Variants in ROCK2 observed in about 807,000 individuals in gnomAD.
ROCK2 encodes Rho associated coiled-coil containing protein kinase 2, also known as rho-associated protein kinase 2.
In ROCK2, 61 loss-of-function variants were observed where a neutral mutation model predicts 195.1. The observed-to-expected ratio is 0.31, with a 90% CI of 0.25 to 0.39. ROCK2 has a LOEUF of 0.39. Among genes scored for constraint, ROCK2 ranks in the 10% least tolerant of loss-of-function variants. ROCK2 has a pLI of 1.00. For synonymous variants in ROCK2, 504 were observed against 545.5 expected (o/e 0.92, Z 1.06); for missense variants, 1,109 against 1,637.4 (o/e 0.68, Z 5.57).
intron 28 of ROCK2, among the ~76,000 whole-genome samples, chr2:11,194,584 A>G (rs548310706): frequency 1.3e-5 from 2 of 152,114 alleles, no homozygotes; most frequent in South Asian, 4.1e-4. Context: ...TTTTGGACTT[A>G]GCTTTGGGAT....
chr2:11,270,465 T>C (rs952736521), intron 3 of ROCK2, among the ~76,000 whole-genome samples: 6 of 152,200 alleles, frequency 3.9e-5, no homozygotes, highest in Admixed American at 1.3e-4. Context: ...TTTTTCTTCT[T>C]CTTGTATTCC....
chr2:11,308,312 C>G, intron 1 of ROCK2: 1 of 1,128,594 alleles, frequency 8.9e-7, no homozygotes, highest in Non-Finnish European at 1.4e-6. Context: ...AGAACCAATC[C>G]TAAAGAATAT....
chr2:11,317,594 ATATATATATATATATATATT>A (rs1322648867), intron 1 of ROCK2, among the ~76,000 whole-genome samples: 1 of 14,646 alleles, frequency 6.8e-5, no homozygotes, highest in African/African-American at 2.1e-4. Flanking sequence ...ATATATATAT[ATATATATATATATATATATT>A]TTTTTTTTTT....
At chr2:11,307,539 CTT>C (rs1037620917) in intron 1 of ROCK2, among the ~76,000 whole-genome samples, 6 of 152,118 alleles carry the variant, frequency 3.9e-5, no homozygotes, top group Non-Finnish European at 8.8e-5. Flanking sequence ...GTCTCGATCT[CTT>C]GACCTCGTGA....
At chr2:11,285,978 G>A (rs908687465) in intron 3 of ROCK2, among the ~76,000 whole-genome samples, 7 of 151,806 alleles carry the variant, frequency 4.6e-5, no homozygotes, top group Non-Finnish European at 8.8e-5. Flanking sequence ...ACGCTGTAGT[G>A]TGAAGAAGAG....
intron 3 of ROCK2, among the ~76,000 whole-genome samples, chr2:11,263,626 G>GTA (rs1027380119): frequency 7.6e-6 from 1 of 130,952 alleles, no homozygotes; most frequent in African/African-American, 2.8e-5. Context: ...AGAAATCAAA[G>GTA]TATATATATA....
chr2:11,312,219 A>T (rs1668058043), intron 1 of ROCK2, among the ~76,000 whole-genome samples: 1 of 152,186 alleles, frequency 6.6e-6, no homozygotes, highest in Admixed American at 6.5e-5. Context: ...CTCAGTTTTT[A>T]GCATATACTT....
intron 1 of ROCK2, among the ~76,000 whole-genome samples, chr2:11,293,371 G>A (rs4669706): frequency 0.78 from 118,206 of 152,132 alleles, 48,075 homozygotes; most frequent in East Asian, 0.94. Context: ...TAGGGCCCTC[G>A]TTTGTAAAAA....
chr2:11,248,262 G>C (rs139236637), intron 4 of ROCK2, among the ~76,000 whole-genome samples: 2 of 151,860 alleles, frequency 1.3e-5, no homozygotes, highest in African/African-American at 4.8e-5. Context: ...CACAAGCAAG[G>C]TATCAAACTC....
rs11437412 is a variant in ROCK2 at position 11,219,861 on chromosome 2, C to CTT, written c.1260-837_1260-836dup. Among the ~76,000 whole-genome samples the CTT allele has an allele frequency of 3.0e-3, 407 of 134,710 alleles. 7 individuals are homozygous for CTT. The highest frequency in any genetic ancestry group is 9.7e-3 in the East Asian group (45 of 4,644). The allele number at this position is 134,710 out of a possible 152,430, so 88.4% of individuals were successfully genotyped here. On this transcript the variant is annotated intron_variant, in intron 9 of 32. Coordinates refer to ENST00000315872, the MANE Select transcript of ROCK2 (RefSeq NM_004850.5). ...GTTGATTATTCTTCCCCAAAACTCA[C>CTT]TTTTTTTTTTTTTTTTTTTAAGACA... is the stretch of plus-strand genomic sequence containing the variant.
At chr2:11,239,115 T>TA (rs903711680) in intron 4 of ROCK2, among the ~76,000 whole-genome samples, 26 of 151,900 alleles carry the variant, frequency 1.7e-4, no homozygotes, top group Admixed American at 1.6e-3. Flanking sequence ...ACAAAAATCT[T>TA]AAAAAAACAC....
intron 1 of ROCK2, among the ~76,000 whole-genome samples, chr2:11,296,010 G>GAGAGAGAGAC (rs1420785976): frequency 9.4e-6 from 1 of 106,388 alleles, no homozygotes; most frequent in African/African-American, 3.9e-5. Flanking sequence ...AGAGAGGAGA[G>GAGAGAGAGAC]AGAGAGAGAG....
chr2:11,186,604 C>T (rs1399086559), intron 32 of ROCK2, among the ~76,000 whole-genome samples: 3 of 152,266 alleles, frequency 2.0e-5, no homozygotes, highest in African/African-American at 7.2e-5. Context: ...TACTGAAAGA[C>T]TTCTACTTAT....
rs138728521 is a variant in ROCK2, at chr2:11,286,454, AAATT to A, written c.324+81_324+84del. On this transcript the variant is annotated intron_variant, in intron 3 of 32. Transcript: ENST00000315872. ...CACCTTCTGGCATGGGTGGGCATAG[AAATT>A]AGATCTACTCAGCTGCTATTGATAA... is the stretch of plus-strand genomic sequence containing the variant. 1,472 of 830,656 alleles carry A rather than the reference AAATT, an allele frequency of 1.8e-3. 14 individuals carry two copies. In the African/African-American group the frequency reaches 0.023, roughly 13 times the overall value. 51.5% of individuals were successfully genotyped at this position (830,656 alleles called of 1,614,324 possible). A position where few individuals can be genotyped will look rare whatever the true frequency, so the allele number is the denominator to read the frequency against.
At chr2:11,300,699 C>A (rs1172693172) in intron 1 of ROCK2, among the ~76,000 whole-genome samples, 4 of 152,118 alleles carry the variant, frequency 2.6e-5, no homozygotes, top group Non-Finnish European at 5.9e-5. Flanking sequence ...TTCTTTGAAC[C>A]ATCTTGTAGG....
intron 1 of ROCK2, among the ~76,000 whole-genome samples, chr2:11,301,826 C>T (rs1034765180): frequency 6.6e-6 from 1 of 151,832 alleles, no homozygotes; most frequent in Non-Finnish European, 1.5e-5. Flanking sequence ...TAATAAGCAA[C>T]GCCATTCTAT....
At chr2:11,320,677 A>G (rs987180103) in intron 1 of ROCK2, among the ~76,000 whole-genome samples, 16 of 152,356 alleles carry the variant, frequency 1.1e-4, no homozygotes, top group East Asian at 1.9e-4. Context: ...ACTAGAAAAA[A>G]TAAATGAAAT....
intron 3 of ROCK2, among the ~76,000 whole-genome samples, chr2:11,255,455 C>G (rs1311478848): frequency 6.6e-6 from 1 of 150,486 alleles, no homozygotes; most frequent in East Asian, 1.9e-4. Context: ...GAAAATGCGA[C>G]TCATCATCAA....
At chr2:11,329,786 A>G (rs541384282) in intron 1 of ROCK2, among the ~76,000 whole-genome samples, 1 of 152,170 alleles carries the variant, frequency 6.6e-6, no homozygotes, top group South Asian at 2.1e-4. Flanking sequence ...TTTTGTGATT[A>G]AATTCTTTAA....
Sources: gnomAD v4.1 joint callset for allele counts (sites outside exome capture counted in the v4.1 genomes callset) on GRCh38, gnomAD v4.1.1 for gene constraint, MANE v1.5 for transcripts, NCBI Gene and HGNC (gene_info 2026-07-23, HGNC 2026-07-21) for gene names.